Variants in GALNT17 observed in about 807,000 individuals in gnomAD.
The protein encoded by GALNT17 is polypeptide N-acetylgalactosaminyltransferase 17, also known as UDP-GalNAc:polypeptide N-acetylgalactosaminyltransferase-like 3.
GALNT17 carries 29 observed loss-of-function variants against 63.7 expected under a neutral mutation model. The ratio of observed to expected loss-of-function variants is 0.46; its 90% CI spans 0.34 to 0.62. The LOEUF (loss-of-function observed/expected upper bound fraction) is 0.62. Ranked by LOEUF, GALNT17 falls within the 20% of genes least tolerant of loss-of-function variation. The pLI is 0.01. For synonymous variants in GALNT17, 305 were observed against 318.3 expected, an observed-to-expected ratio of 0.96 and a Z score of 0.45; for missense variants, 603 against 799.6, an observed-to-expected ratio of 0.75 and a Z score of 2.97.
chr7:71,179,280 C>G (rs1388922646), intron 1 of GALNT17, among the ~76,000 whole-genome samples: 3 of 152,172 alleles, frequency 2.0e-5, no homozygotes, highest in African/African-American at 7.2e-5. Flanking sequence ...TACCTATGAC[C>G]TGGTAGCCTC....
chr7:71,253,147 C>G (rs1402972625), intron 1 of GALNT17, among the ~76,000 whole-genome samples: 1 of 152,208 alleles, frequency 6.6e-6, no homozygotes, highest in Admixed American at 6.5e-5. Flanking sequence ...CCTCTTTTAT[C>G]TACTTCATTA....
intron 1 of GALNT17, among the ~76,000 whole-genome samples, chr7:71,190,296 T>C (rs1023951270): frequency 6.6e-6 from 1 of 152,204 alleles, no homozygotes; most frequent in African/African-American, 2.4e-5. Flanking sequence ...GCTGTTTGGA[T>C]CATGGTAGCG....
chr7:71,366,185 C>T (rs545474721), intron 2 of GALNT17, among the ~76,000 whole-genome samples: 3 of 152,226 alleles, frequency 2.0e-5, no homozygotes, highest in African/African-American at 7.2e-5. Flanking sequence ...TGCCCACTCT[C>T]CTGACGCTCA....
chr7:71,254,114 C>A (rs1217794390), intron 1 of GALNT17, among the ~76,000 whole-genome samples: 1 of 152,188 alleles, frequency 6.6e-6, no homozygotes, highest in Non-Finnish European at 1.5e-5. Flanking sequence ...CCACTCAAAG[C>A]TGAGGAGAGC....
In GALNT17 at chr7:71,696,567, A is replaced by T. The variant is rs182736097; in HGVS notation, c.1501-14194A>T. On this transcript the variant is annotated intron_variant, in intron 9 of 10. Transcript: ENST00000333538. Reference sequence around the variant, plus strand: ...TGTGTTCTGGAGTCATTCTGCAATTATTTATCTGGTTTTTGTTTATCTGGC... The same window carrying T: ...TGTGTTCTGGAGTCATTCTGCAATTTTTTATCTGGTTTTTGTTTATCTGGC... Among the ~76,000 whole-genome samples, 85 of 152,220 alleles carry T rather than the reference A, an allele frequency of 5.6e-4. 1 individual carries two copies. The highest frequency in any genetic ancestry group is 1.9e-3 in the African/African-American group (79 of 41,524).
intron 5 of GALNT17, among the ~76,000 whole-genome samples, chr7:71,460,809 A>G (rs1055081883): frequency 6.6e-6 from 1 of 152,104 alleles, no homozygotes; most frequent in Non-Finnish European, 1.5e-5. Context: ...TTGCCATGGC[A>G]TTTGTAAACT....
chr7:71,641,945 C>T (rs1790609894), intron 6 of GALNT17, among the ~76,000 whole-genome samples: 1 of 152,122 alleles, frequency 6.6e-6, no homozygotes. Context: ...TATGGAATGA[C>T]AGCAAGATCT....
chr7:71,291,559 G>T (rs1343558386), intron 1 of GALNT17, among the ~76,000 whole-genome samples: 1 of 152,000 alleles, frequency 6.6e-6, no homozygotes, highest in Non-Finnish European at 1.5e-5. Flanking sequence ...TTATTGCCAG[G>T]GTTATTCCTG....
chr7:71,551,796 G>A (rs1562687563), intron 5 of GALNT17, among the ~76,000 whole-genome samples: 1 of 150,960 alleles, frequency 6.6e-6, no homozygotes, highest in Non-Finnish European at 1.5e-5. Context: ...GAGCGGGAAA[G>A]CAAGAGTTAT....
At chr7:71,528,123 T>C (rs575940443) in intron 5 of GALNT17, among the ~76,000 whole-genome samples, 1 of 152,356 alleles carries the variant, frequency 6.6e-6, no homozygotes, top group Admixed American at 6.5e-5. Context: ...TTTGGTTTTG[T>C]TGTTGCTGTT....
intron 1 of GALNT17, among the ~76,000 whole-genome samples, chr7:71,237,085 G>A (rs372951301): frequency 6.6e-6 from 1 of 152,166 alleles, no homozygotes; most frequent in East Asian, 1.9e-4. Flanking sequence ...GGTCCAGAGA[G>A]TGGGAGGTAG....
Position 71,712,138 on chromosome 7 carries a change from A to T in GALNT17, c.1789A>T (p.Ile597Phe), listed in dbSNP as rs1336417537. 3 of 1,612,940 alleles carry T rather than the reference A, an allele frequency of 1.9e-6. No individual in the cohort carries two copies. Among genetic ancestry groups the T allele is most frequent in the Non-Finnish European group, 2.5e-6 (3 of 1,179,416 alleles). Residue 597 changes from isoleucine (I) to phenylalanine (F), a missense_variant, in exon 11 of 11, where the codon ATC (isoleucine) becomes TTC (phenylalanine). Ile to Phe is a conservative substitution (Grantham distance 21, BLOSUM62 0). This residue lies in a region of GALNT17 where 72 missense variants were observed against 76.9 expected (regional missense o/e 0.94). Coordinates refer to ENST00000333538, the MANE Select transcript of GALNT17 (RefSeq NM_022479.3). ...TCAGAGGTGGACCATTAAGAACTCC[A>T]TCAAGTAGAGGGAGGGAGCTGGGGC... The part of the protein sequence containing the change: ...TGQRWTIKNS[I>F]K
intron 5 of GALNT17, among the ~76,000 whole-genome samples, chr7:71,499,161 G>A (rs117076030): frequency 6.6e-6 from 1 of 152,154 alleles, no homozygotes; most frequent in Non-Finnish European, 1.5e-5. Flanking sequence ...TAATTGAATG[G>A]CATTTCATTC....
intron 1 of GALNT17, among the ~76,000 whole-genome samples, chr7:71,189,811 CTTTT>C (rs113070343): frequency 1.5e-5 from 2 of 135,784 alleles, no homozygotes; most frequent in Non-Finnish European, 1.6e-5. Flanking sequence ...AGAACCATTT[CTTTT>C]TTTTTTTTTT....
intron 6 of GALNT17, among the ~76,000 whole-genome samples, chr7:71,634,333 C>T (rs183535446): frequency 1.8e-4 from 27 of 152,230 alleles, no homozygotes; most frequent in African/African-American, 6.5e-4. Context: ...TTATTCTGAG[C>T]CGAATGTGAG....
At chr7:71,574,710 C>T (rs2116885352) in intron 6 of GALNT17, among the ~76,000 whole-genome samples, 1 of 152,194 alleles carries the variant, frequency 6.6e-6, no homozygotes, top group Non-Finnish European at 1.5e-5. Context: ...ATTCTTGGGC[C>T]CCATCCCAGA....
At position 71,628,523 on chromosome 7, in the gene GALNT17, G is replaced by C. The variant is rs868238094; in HGVS notation, c.1081-36888G>C. 4.0e-5 allele frequency among the ~76,000 whole-genome samples: 6 copies of C among 151,718 alleles called. No individual in the cohort carries two copies. In the East Asian group the frequency reaches 1.2e-3, roughly 30 times the overall value. ...TTATTAGTAGAGACGGGGTTTCACC[G>C]TGTTGGCTATGCTGGTCTCTAACTC... On this transcript the variant is annotated intron_variant, in intron 6 of 10. Transcript: ENST00000333538.
chr7:71,386,624 G>A (rs1363682878), intron 2 of GALNT17, among the ~76,000 whole-genome samples: 1 of 152,148 alleles, frequency 6.6e-6, no homozygotes, highest in Non-Finnish European at 1.5e-5. Context: ...CGTGGAGAAG[G>A]CCAAAGCTCT....
At chr7:71,624,829 T>G (rs907252204) in intron 6 of GALNT17, among the ~76,000 whole-genome samples, 5 of 152,336 alleles carry the variant, frequency 3.3e-5, no homozygotes, top group Middle Eastern at 3.4e-3. Flanking sequence ...CGGCATTGTT[T>G]TAACCTTGTC....
Sources: allele counts gnomAD v4.1 joint callset (sites outside exome capture counted in the v4.1 genomes callset), GRCh38; gene constraint gnomAD v4.1.1; regional missense constraint gnomAD v4.1.1; transcripts MANE v1.5; gene names NCBI Gene and HGNC (gene_info 2026-07-23, HGNC 2026-07-21).